The following FBXO41 variants were observed in gnomAD, a reference collection of about 807,000 sequenced individuals.
FBXO41 encodes F-box only protein 41.
FBXO41 carries 33 observed loss-of-function variants against 81.6 expected under a neutral mutation model. The observed-to-expected ratio is 0.40, with a 90% confidence interval of 0.31 to 0.54. FBXO41 has a LOEUF of 0.54. Ranked by LOEUF, FBXO41 falls within the 20% of genes least tolerant of loss-of-function variation. The probability of loss-of-function intolerance (pLI) is 0.39; values close to 1 mark genes in which losing one functional copy is unlikely to be tolerated. For synonymous variants in FBXO41, 576 were observed against 552.7 expected (o/e 1.04, Z -0.59); for missense variants, 1,107 against 1,236.0 (o/e 0.90, Z 1.56).
chr2:73,258,132 G>A lies in FBXO41; in HGVS notation c.*850C>T, dbSNP rs1483376830. On this transcript the variant is annotated 3_prime_UTR_variant, in exon 13 of 13. Coordinates refer to ENST00000520530, the MANE Select transcript of FBXO41 (RefSeq NM_001371389.2). The stretch of plus-strand genomic sequence containing the variant: ...CAGGAACTACTTCTCACTGTGACAG[G>A]GCTGCCTGGGGCTGGGACCTTGACC... The A allele has an allele frequency of 6.6e-6, 1 of 152,236 alleles. No individual in the cohort carries two copies. The highest frequency in any genetic ancestry group is 1.5e-5 in the Non-Finnish European group (1 of 68,080). 9.4% of individuals were successfully genotyped at this position (152,236 alleles called of 1,614,324 possible).
At chr2:73,276,626 G>C (rs1210510935) in intron 1 of FBXO41, among the ~76,000 whole-genome samples, 28 of 137,430 alleles carry the variant, frequency 2.0e-4, no homozygotes, top group Non-Finnish European at 3.6e-4. Flanking sequence ...GAGAGGGAGA[G>C]AATGCATTTA....
chr2:73,264,991 CA>C (rs1368312293), intron 5 of FBXO41, among the ~76,000 whole-genome samples: 1 of 152,152 alleles, frequency 6.6e-6, no homozygotes, highest in Admixed American at 6.5e-5. Context: ...CCCACTGCAC[CA>C]GGGGCTTCAG....
At chr2:73,263,537 G>T in intron 8 of FBXO41, 141 bp downstream of exon 8, 1 of 1,119,826 alleles carries the variant, frequency 8.9e-7, no homozygotes, top group Non-Finnish European at 1.3e-6. Flanking sequence ...CTCTGCTCTT[G>T]CCAAGGCTTC....
chr2:73,266,649 C>T lies in FBXO41; in HGVS notation c.939G>A (p.Glu313=). 6.2e-7 allele frequency: 1 copy of T among 1,603,426 alleles called. No homozygotes were observed. The change falls in exon 3 of 13, where the codon GAG becomes GAA. Residue 313 remains glutamate (E), a synonymous_variant. Transcript: ENST00000520530. This position sits in a 1 kb window ranked among gnomAD's most constrained non-coding sequence, Gnocchi z 5.3. ...TGGCGCTGGCCTCCCGCGCCGCCGT[C>T]TCCTTCAGGAACTGGTCGATCTGCA... ...EVVQIDQFLK[E]TAAREASAKL... is the part of the protein sequence containing the mutation.
rs896405070 is a variant in FBXO41 at position 73,260,947 on chromosome 2, A to G, written c.2172-89T>C. The G allele has an allele frequency of 7.2e-6, 8 of 1,105,802 alleles. No homozygotes were observed. The African/African-American group carries it at 1.3e-4, about 17-fold the overall frequency. 68.5% of individuals were successfully genotyped at this position (1,105,802 alleles called of 1,614,324 possible). ...CTCCTGTGGGACCCCTCCCTGACTC[A>G]GGCAAGCATTCCTCCAACAACCCAG... is the stretch of plus-strand genomic sequence containing the variant. On this transcript the variant is annotated intron_variant, in intron 9 of 12. Transcript: ENST00000520530. This position sits in a 1 kb window ranked among gnomAD's most constrained non-coding sequence, Gnocchi z 5.0.
chr2:73,265,710 C>G (rs553221867), intron 4 of FBXO41, 70 bp from the exon 5 acceptor site: 1 of 1,443,706 alleles, frequency 6.9e-7, no homozygotes, highest in East Asian at 2.5e-5. Flanking sequence ...CATCCTGCCC[C>G]TACCATCAGC....
chr2:73,281,288 C>T (rs1392746768), intron 1 of FBXO41, among the ~76,000 whole-genome samples: 1 of 152,218 alleles, frequency 6.6e-6, no homozygotes, highest in African/African-American at 2.4e-5. Context: ...TTGGTCCTCA[C>T]AACAATGCTG....
rs921903849 is a variant in FBXO41, at chr2:73,265,400, T to C, written c.1446A>G (p.Glu482=). The C allele has an allele frequency of 6.2e-7, 1 of 1,611,040 alleles. No homozygotes were observed. The highest frequency in any genetic ancestry group is 1.3e-5 in the African/African-American group (1 of 75,048). Residue 482 remains glutamate (E), a synonymous_variant, in exon 5 of 13, where the codon GAA becomes GAG. Transcript: ENST00000520530. ...AGCCAACGTCGGAGACATCACCCTC[T>C]TCCCCCTCAGTGCTGTGTCGGCGGG... ...RRPRRHSTEG[E]EGDVSDVGSR...
Position 73,260,153 on chromosome 2 carries a change from C to T in FBXO41, c.2449+236G>A, listed in dbSNP as rs1171273617. 4.6e-5 allele frequency among the ~76,000 whole-genome samples: 7 copies of T among 152,136 alleles called. No individual in the cohort carries two copies. In the East Asian group the frequency reaches 1.3e-3, roughly 29 times the overall value. On this transcript the variant is annotated intron_variant, in intron 11 of 12. Transcript: ENST00000520530. This position sits in a 1 kb window ranked among gnomAD's most constrained non-coding sequence, Gnocchi z 5.0. ...AAAGTCAGCTTAGAAGATGGGAATA[C>T]AGGACTCAGAGAGGTATAGTAACTT...
chr2:73,267,865 T>A (rs1688324226), intron 2 of FBXO41, among the ~76,000 whole-genome samples: 1 of 151,604 alleles, frequency 6.6e-6, no homozygotes, highest in Non-Finnish European at 1.5e-5. Flanking sequence ...AATACTGTAC[T>A]GAAAAAAACA....
intron 5 of FBXO41, among the ~76,000 whole-genome samples, chr2:73,265,010 A>G (rs879685037): frequency 6.6e-6 from 1 of 152,086 alleles, no homozygotes; most frequent in Non-Finnish European, 1.5e-5. Context: ...CAGAGTTTGG[A>G]GGCAACACTC....
chr2:73,276,314 G>C (rs1470002314), intron 1 of FBXO41, among the ~76,000 whole-genome samples: 1 of 151,428 alleles, frequency 6.6e-6, no homozygotes, highest in African/African-American at 2.4e-5. Context: ...GGAGGCTGAG[G>C]CAGCATAATC....
rs1370950229 is a variant in FBXO41 at position 73,264,491 on chromosome 2, A to G, written c.1593T>C (p.Gly531=). 2 of 1,613,428 alleles carry G rather than the reference A, an allele frequency of 1.2e-6. No individual in the cohort carries two copies. Among genetic ancestry groups the G allele is most frequent in the African/African-American group, 1.3e-5 (1 of 74,908 alleles). The change falls in exon 6 of 13, where the codon GGT becomes GGC. Residue 531 remains glycine, a synonymous_variant. Coordinates refer to ENST00000520530, the MANE Select transcript of FBXO41 (RefSeq NM_001371389.2). The part of the protein sequence containing the change: ...SARPEGGSGR[G]RRAERVSPSR... ...AGGGGCTGACCCTCTCTGCTCGCCG[A>G]CCCCGCCCACTGCCTCCCTCGGGGC...
Position 73,258,958 on chromosome 2 carries a change from G to A in FBXO41, c.*24C>T. 1.3e-6 allele frequency: 2 copies of A among 1,558,012 alleles called. No homozygotes were observed. The highest frequency in any genetic ancestry group is 1.7e-6 in the Non-Finnish European group (2 of 1,151,338). On this transcript the variant is annotated 3_prime_UTR_variant, in exon 13 of 13. Coordinates refer to ENST00000520530, the MANE Select transcript of FBXO41 (RefSeq NM_001371389.2). ...GAGTGCCCTGGTGTGGGGCTGGCAG[G>A]GGCCCTGCCGCCCCCTACCCGGGTT...
intron 1 of FBXO41, among the ~76,000 whole-genome samples, chr2:73,275,651 T>C (rs1464321278): frequency 6.6e-6 from 1 of 152,208 alleles, no homozygotes. Context: ...TCTCAACTCA[T>C]GGCCAATTAT....
chr2:73,275,311 T>G (rs1358412968), intron 1 of FBXO41, among the ~76,000 whole-genome samples: 1 of 152,140 alleles, frequency 6.6e-6, no homozygotes, highest in Non-Finnish European at 1.5e-5. Flanking sequence ...GCCTCCCAAG[T>G]AGCTGGGATT....
At position 73,260,294 on chromosome 2, in the gene FBXO41, T is replaced by G; in HGVS notation, c.2449+95A>C. 6.8e-7 allele frequency: 1 copy of G among 1,473,576 alleles called. No homozygotes were observed. Among genetic ancestry groups the G allele is most frequent in the South Asian group, 1.3e-5 (1 of 75,406 alleles). The allele number at this position is 1,473,576 out of a possible 1,614,324, so 91.3% of individuals were successfully genotyped here. ...TGCCTCTGCCCTTGGCTGGAGACTC[T>G]GATCCATCTGCCCCAGTGATAGTTA... On this transcript the variant is annotated intron_variant, in intron 11 of 12. Coordinates refer to ENST00000520530, the MANE Select transcript of FBXO41 (RefSeq NM_001371389.2). This position sits in a 1 kb window ranked among gnomAD's most constrained non-coding sequence, Gnocchi z 5.0.
intron 1 of FBXO41, among the ~76,000 whole-genome samples, chr2:73,280,125 C>T (rs1486262250): frequency 6.6e-6 from 1 of 152,010 alleles, no homozygotes; most frequent in East Asian, 1.9e-4. Context: ...CTGCCCCCGC[C>T]CCTCAACCCC....
Position 73,260,797 on chromosome 2 carries a change from G to T in FBXO41, c.2233C>A (p.Leu745Met). The change falls in exon 10 of 13, where the codon CTG becomes ATG. Residue 745 changes from leucine to methionine, a missense_variant. By Grantham distance (15) the Leu-to-Met change is conservative (BLOSUM62 2). Around this residue, in one of 2 missense-constraint regions of FBXO41, gnomAD observed 336 missense variants for 446.7 expected, o/e 0.75. Coordinates refer to ENST00000520530, the MANE Select transcript of FBXO41 (RefSeq NM_001371389.2). This position sits in a 1 kb window ranked among gnomAD's most constrained non-coding sequence, Gnocchi z 5.0. ...GCACCCCCGACCCCCAGGGCCCGCA[G>T]GTGGGGCCAACAGCGACCAATCATC... The part of the protein sequence containing the change: ...LQMIGRCWPH[L>M]RALGVGGAGC... 6.4e-7 allele frequency: 1 copy of T among 1,568,216 alleles called. No individual in the cohort carries two copies. Among genetic ancestry groups the T allele is most frequent in the Admixed American group, 1.9e-5 (1 of 53,200 alleles).
Sources: allele counts gnomAD v4.1 joint callset (sites outside exome capture counted in the v4.1 genomes callset), GRCh38; gene constraint gnomAD v4.1.1; regional missense constraint gnomAD v4.1.1; non-coding constraint Gnocchi (gnomAD v3.1); transcripts MANE v1.5; gene names NCBI Gene and HGNC (gene_info 2026-07-23, HGNC 2026-07-21).